The following EPS8 variants were observed in gnomAD, a reference collection of about 807,000 sequenced individuals.
EPS8 encodes the protein epidermal growth factor receptor kinase substrate 8.
A neutral mutation model predicts 103.8 loss-of-function variants in EPS8; 42 were observed. The observed-to-expected ratio is 0.40, with a 90% confidence interval of 0.32 to 0.52. The LOEUF is 0.52. Among genes scored for constraint, EPS8 ranks in the 20% least tolerant of loss-of-function variants. The pLI, the probability that EPS8 is intolerant of heterozygous loss-of-function variation, is 0.40. For synonymous variants in EPS8, 344 were observed against 344.6 expected, an observed-to-expected ratio of 1.00 and a Z score of 0.02; for missense variants, 969 against 1,005.1, an observed-to-expected ratio of 0.96 and a Z score of 0.49.
intron 1 of EPS8, among the ~76,000 whole-genome samples, chr12:15,766,018 G>A (rs1321478464): frequency 6.6e-6 from 1 of 151,456 alleles, no homozygotes. Context: ...GTTTCACCAT[G>A]TTGGTCAGGC....
In EPS8 at chr12:15,684,904, T is replaced by C. The variant is rs1400784606; in HGVS notation, c.-21-1932A>G. 6.6e-6 allele frequency among the ~76,000 whole-genome samples: 1 copy of C among 152,248 alleles called. No homozygotes were observed. Among genetic ancestry groups the C allele is most frequent in the Non-Finnish European group, 1.5e-5 (1 of 68,038 alleles). On this transcript the variant is annotated intron_variant, in intron 1 of 20. Transcript: ENST00000281172. The surrounding 1 kb of genome is among the most constrained non-coding windows in gnomAD (Gnocchi z 4.9). ...TTACATTGCTGTGCTCCATTTTTGT[T>C]GTTTTCCTTCTTCAGTTTACACTTG... is the stretch of plus-strand genomic sequence containing the variant.
chr12:15,648,846 C>G (rs902677777), intron 14 of EPS8, among the ~76,000 whole-genome samples: 9 of 152,174 alleles, frequency 5.9e-5, no homozygotes, highest in African/African-American at 2.2e-4. Context: ...CTGAGTACTG[C>G]CACCCATATT....
chr12:15,712,929 G>A, intron 1 of EPS8: 2 of 985,280 alleles, frequency 2.0e-6, no homozygotes, highest in Non-Finnish European at 2.4e-6. Context: ...GTTTACTTAT[G>A]TGCCAAGTGA....
intron 9 of EPS8, among the ~76,000 whole-genome samples, chr12:15,661,793 A>G (rs962101799): frequency 3.3e-5 from 5 of 152,234 alleles, no homozygotes; most frequent in Non-Finnish European, 7.3e-5. Flanking sequence ...CTAGTTAATA[A>G]GCTGATTCTT....
chr12:15,706,871 A>G lies in EPS8; in HGVS notation c.-21-23899T>C, dbSNP rs557160971. Among the ~76,000 whole-genome samples the G allele has an allele frequency of 6.6e-6, 1 of 152,262 alleles. No homozygotes were observed. The highest frequency in any genetic ancestry group is 2.1e-4 in the South Asian group (1 of 4,820). ...TTTACATACTAACTAAATTTATACAAATGCCCATATTTGATATCTAGTTAG... is the reference window on the plus strand; with the variant it reads ...TTTACATACTAACTAAATTTATACAGATGCCCATATTTGATATCTAGTTAG... On this transcript the variant is annotated intron_variant, in intron 1 of 20. Transcript: ENST00000281172. This position sits in a 1 kb window ranked among gnomAD's most constrained non-coding sequence, Gnocchi z 5.2.
rs1292273499 is a variant in EPS8, at chr12:15,725,373, G to A, written c.-21-42401C>T. 2.0e-5 allele frequency among the ~76,000 whole-genome samples: 3 copies of A among 151,362 alleles called. No individual in the cohort carries two copies. The highest frequency in any genetic ancestry group is 4.4e-5 in the Non-Finnish European group (3 of 67,930). On this transcript the variant is annotated intron_variant, in intron 1 of 20. Coordinates refer to ENST00000281172, the MANE Select transcript of EPS8 (RefSeq NM_004447.6). This position sits in a 1 kb window ranked among gnomAD's most constrained non-coding sequence, Gnocchi z 4.5. ...TGTAATCCCAGCTACTTGGGAGGCC[G>A]AGGCAGGAGGATCACTTGAGCAGAA...
At chr12:15,630,227 T>C (rs201188189) in intron 18 of EPS8, among the ~76,000 whole-genome samples, 65 of 71,210 alleles carry the variant, frequency 9.1e-4, no homozygotes, top group Non-Finnish European at 1.8e-3. Flanking sequence ...CACACACACA[T>C]ACACACACAC....
chr12:15,772,953 C>A lies in EPS8; in HGVS notation c.-22+16208G>T, dbSNP rs566011090. On this transcript the variant is annotated intron_variant, in intron 1 of 20. Transcript: ENST00000281172. The surrounding 1 kb of genome is among the most constrained non-coding windows in gnomAD (Gnocchi z 5.0). The stretch of plus-strand genomic sequence containing the variant: ...AAATCAAGTAAAAACTAAACATTTT[C>A]CTTTTGGTTTAGCTTTTAGAAGATG... 6.6e-6 allele frequency among the ~76,000 whole-genome samples: 1 copy of A among 152,172 alleles called. No individual in the cohort carries two copies. The highest frequency in any genetic ancestry group is 2.1e-4 in the South Asian group (1 of 4,810).
In EPS8 at chr12:15,777,544, C is replaced by T. The variant is rs1947219432; in HGVS notation, c.-22+11617G>A. ...CTTCAATCCCTCCTTTGTTTCAAAC[C>T]CCCTAGCAGCCTAAACTTAACCTTC... On this transcript the variant is annotated intron_variant, in intron 1 of 20. Coordinates refer to ENST00000281172, the MANE Select transcript of EPS8 (RefSeq NM_004447.6). The surrounding 1 kb of genome is among the most constrained non-coding windows in gnomAD (Gnocchi z 4.7). Among the ~76,000 whole-genome samples the T allele has an allele frequency of 6.6e-6, 1 of 152,140 alleles. No homozygotes were observed. The highest frequency in any genetic ancestry group is 1.5e-5 in the Non-Finnish European group (1 of 68,024).
intron 15 of EPS8, among the ~76,000 whole-genome samples, chr12:15,643,261 GA>G (rs1359461463): frequency 6.6e-6 from 1 of 152,030 alleles, no homozygotes; most frequent in African/African-American, 2.4e-5. Context: ...ATTAATAATG[GA>G]GAGTTAAGGG....
rs1168424573 is a variant in EPS8, at chr12:15,716,628, G to GCA, written c.-21-33658_-21-33657dup. 3.9e-5 allele frequency among the ~76,000 whole-genome samples: 6 copies of GCA among 152,016 alleles called. No homozygotes were observed. The highest frequency in any genetic ancestry group is 2.0e-4 in the Admixed American group (3 of 15,262). ...TCCAAAGCTCTTGAAGCTGGAAATT[G>GCA]CACACACACACATCTTTACTGGTAA... is the stretch of plus-strand genomic sequence containing the variant. On this transcript the variant is annotated intron_variant, in intron 1 of 20. Transcript: ENST00000281172. This position sits in a 1 kb window ranked among gnomAD's most constrained non-coding sequence, Gnocchi z 5.0.
Position 15,747,061 on chromosome 12 carries a change from G to A in EPS8, c.-22+42100C>T, listed in dbSNP as rs1946883110. Among the ~76,000 whole-genome samples the A allele has an allele frequency of 6.6e-6, 1 of 152,100 alleles. No individual in the cohort carries two copies. The highest frequency in any genetic ancestry group is 2.1e-4 in the South Asian group (1 of 4,828). On this transcript the variant is annotated intron_variant, in intron 1 of 20. Transcript: ENST00000281172. The surrounding 1 kb of genome is among the most constrained non-coding windows in gnomAD (Gnocchi z 4.4). ...CAGTCAATACATATTTTGTACGCAG[G>A]AAGTGTTCAGAGAAAATAAACAAAC... is the stretch of plus-strand genomic sequence containing the variant.
intron 9 of EPS8, among the ~76,000 whole-genome samples, chr12:15,661,162 A>T (rs575492832): frequency 3.7e-4 from 56 of 152,334 alleles, no homozygotes; most frequent in Non-Finnish European, 6.5e-4. Flanking sequence ...GATTGTTGTG[A>T]TAACCTAATA....
chr12:15,672,332 T>A, intron 3 of EPS8: 1 of 393,980 alleles, frequency 2.5e-6, no homozygotes, highest in East Asian at 3.6e-5. Context: ...AAAATTTAGA[T>A]TAAAATCTCC....
chr12:15,645,030 G>A (rs1305246742), intron 15 of EPS8, among the ~76,000 whole-genome samples: 1 of 151,838 alleles, frequency 6.6e-6, no homozygotes, highest in Admixed American at 6.6e-5. Context: ...TTCTTTCTAT[G>A]GTGAAATTCT....
rs919469763 is a variant in EPS8 at position 15,684,846 on chromosome 12, A to G, written c.-21-1874T>C. On this transcript the variant is annotated intron_variant, in intron 1 of 20. Coordinates refer to ENST00000281172, the MANE Select transcript of EPS8 (RefSeq NM_004447.6). The surrounding 1 kb of genome is among the most constrained non-coding windows in gnomAD (Gnocchi z 4.9). ...GCAAAGAAAGATCGGCCTCTGCCCT[A>G]TACATGCATGTACTTATAAAATTAC... 1.3e-5 allele frequency among the ~76,000 whole-genome samples: 2 copies of G among 152,244 alleles called. No homozygotes were observed. Among genetic ancestry groups the G allele is most frequent in the South Asian group, 2.1e-4 (1 of 4,834 alleles).
chr12:15,686,859 A>G (rs1471694447), intron 1 of EPS8, among the ~76,000 whole-genome samples: 2 of 152,156 alleles, frequency 1.3e-5, no homozygotes, highest in South Asian at 2.1e-4. Flanking sequence ...TGCATATTTA[A>G]CTGTCCTTCA....
At chr12:15,666,620 G>C in intron 6 of EPS8, 98 bp from the exon 7 acceptor site, 1 of 806,930 alleles carries the variant, frequency 1.2e-6, no homozygotes, top group South Asian at 1.7e-5. Flanking sequence ...GTCTGAATCA[G>C]TAAGTATCTT....
At position 15,691,279 on chromosome 12, in the gene EPS8, G is replaced by T. The variant is rs186569155; in HGVS notation, c.-21-8307C>A. 4.5e-3 allele frequency among the ~76,000 whole-genome samples: 687 copies of T among 151,688 alleles called. 6 individuals carry two copies. The highest frequency in any genetic ancestry group is 0.024 in the Middle Eastern group (7 of 294). ...GAGGCTGGGCACAGTGATTTACTAT[G>T]CCTGTAATCCCAACACTTTGGGAAG... On this transcript the variant is annotated intron_variant, in intron 1 of 20. Coordinates refer to ENST00000281172, the MANE Select transcript of EPS8 (RefSeq NM_004447.6).
Sources: allele counts gnomAD v4.1 joint callset (sites outside exome capture counted in the v4.1 genomes callset), GRCh38; gene constraint gnomAD v4.1.1; non-coding constraint Gnocchi (gnomAD v3.1); transcripts MANE v1.5; gene names NCBI Gene and HGNC (gene_info 2026-07-23, HGNC 2026-07-21).